Variants in PTER observed in about 807,000 individuals in gnomAD.
The protein encoded by PTER is phosphotriesterase related, also known as N-acetyltaurine hydrolase.
Under a neutral mutation model 29.6 loss-of-function variants are expected in PTER, and 38 were observed. That is an observed-to-expected ratio of 1.28 (90% CI 0.99 to 1.68). The LOEUF is 1.68. Ranked by LOEUF, PTER falls within the 40% of genes most tolerant of loss-of-function variation. The pLI, the probability that PTER is intolerant of heterozygous loss-of-function variation, is 0.00. For synonymous variants in PTER, 172 were observed against 154.5 expected (o/e 1.11, Z -0.84); for missense variants, 482 against 427.8 (o/e 1.13, Z -1.12).
chr10:16,453,939 A>G (rs1834301271), intron 1 of PTER, among the ~76,000 whole-genome samples: 1 of 152,232 alleles, frequency 6.6e-6, no homozygotes, highest in Non-Finnish European at 1.5e-5. Flanking sequence ...TTGTTTTATT[A>G]ATGAGAAAAC....
chr10:16,511,210 A>T lies in PTER; in HGVS notation c.1004A>T (p.Asp335Val). The change falls in exon 5 of 5, where the codon GAT becomes GTT. Residue 335 changes from aspartate to valine, a missense_variant. By Grantham distance (152) the Asp-to-Val change is radical. Coordinates refer to ENST00000535784, the MANE Select transcript of PTER (RefSeq NM_001261836.2). ...AGAGGCATAACTGAGAATGTGCTTG[A>T]TAAGATTCTAATAGAGAACCCTAAG... The part of the protein sequence containing the change: ...LLRGITENVL[D>V]KILIENPKQW... The T allele has an allele frequency of 6.2e-7, 1 of 1,614,168 alleles. No homozygotes were observed. The highest frequency in any genetic ancestry group is 8.5e-7 in the Non-Finnish European group (1 of 1,179,988).
intron 1 of PTER, among the ~76,000 whole-genome samples, chr10:16,480,505 C>A (rs143503916): frequency 1.3e-5 from 2 of 152,000 alleles, no homozygotes; most frequent in Non-Finnish European, 2.9e-5. Context: ...CTAATTTGAC[C>A]ATTGCATTTA....
chr10:16,451,077 C>T (rs1408124307), intron 1 of PTER, among the ~76,000 whole-genome samples: 2 of 152,158 alleles, frequency 1.3e-5, no homozygotes, highest in East Asian at 3.9e-4. Context: ...CCAAGAGCCC[C>T]TGGTAAACCG....
At chr10:16,510,068 C>T (rs1210342701) in intron 4 of PTER, among the ~76,000 whole-genome samples, 1 of 152,052 alleles carries the variant, frequency 6.6e-6, no homozygotes, top group Non-Finnish European at 1.5e-5. Flanking sequence ...ACTGTCCGTC[C>T]GTCTAGATCC....
chr10:16,500,513 A>T (rs889831478), intron 3 of PTER, among the ~76,000 whole-genome samples: 3 of 152,180 alleles, frequency 2.0e-5, no homozygotes, highest in Non-Finnish European at 4.4e-5. Flanking sequence ...TGGCTTCCCA[A>T]AGTGCTGGGA....
intron 4 of PTER, among the ~76,000 whole-genome samples, chr10:16,507,697 G>A (rs925736720): frequency 6.6e-6 from 1 of 152,184 alleles, no homozygotes; most frequent in African/African-American, 2.4e-5. Flanking sequence ...AATCAGTGTT[G>A]CATTAGTTAA....
intron 2 of PTER, among the ~76,000 whole-genome samples, chr10:16,485,454 GTATC>G (rs1379403993): frequency 6.6e-6 from 1 of 152,154 alleles, no homozygotes; most frequent in African/African-American, 2.4e-5. Context: ...AAACACACAT[GTATC>G]TATTTATACA....
At chr10:16,501,878 A>T (rs1450170062) in intron 3 of PTER, among the ~76,000 whole-genome samples, 28 of 152,206 alleles carry the variant, frequency 1.8e-4, no homozygotes, top group Non-Finnish European at 1.5e-5. Context: ...AGCTGCTGGG[A>T]TCATGGAGGG....
intron 4 of PTER, among the ~76,000 whole-genome samples, chr10:16,510,453 A>C (rs1437247345): frequency 2.0e-5 from 3 of 152,228 alleles, no homozygotes; most frequent in Non-Finnish European, 4.4e-5. Context: ...ATAGACTTCA[A>C]AGGGGCAAAT....
intron 4 of PTER, among the ~76,000 whole-genome samples, chr10:16,509,150 T>G (rs1836713082): frequency 6.6e-6 from 1 of 152,210 alleles, no homozygotes; most frequent in Admixed American, 6.5e-5. Context: ...GGCTCCCCCT[T>G]TTCTGGCAGC....
chr10:16,447,436 A>G (rs1834056655), intron 1 of PTER, among the ~76,000 whole-genome samples: 1 of 152,118 alleles, frequency 6.6e-6, no homozygotes, highest in Non-Finnish European at 1.5e-5. Context: ...TTCGTAATGC[A>G]TTATGTAGTG....
At chr10:16,444,866 C>T (rs578047058) in intron 1 of PTER, among the ~76,000 whole-genome samples, 3 of 151,976 alleles carry the variant, frequency 2.0e-5, no homozygotes, top group Admixed American at 6.5e-5. Context: ...AAGAATCTTA[C>T]GTAGTAAATT....
chr10:16,480,813 A>C (rs902599528), intron 1 of PTER, among the ~76,000 whole-genome samples: 1 of 152,250 alleles, frequency 6.6e-6, no homozygotes, highest in African/African-American at 2.4e-5. Flanking sequence ...ACCGTCCTGC[A>C]CACCAAATCT....
At chr10:16,504,931 C>G in intron 3 of PTER, 89 bp from the exon 4 acceptor site, 2 of 1,448,296 alleles carry the variant, frequency 1.4e-6, no homozygotes, top group South Asian at 2.7e-5. Context: ...TGTTCTTGTT[C>G]TTGTACATTG....
chr10:16,495,594 C>T (rs1434779640), intron 3 of PTER, among the ~76,000 whole-genome samples: 1 of 152,134 alleles, frequency 6.6e-6, no homozygotes, highest in Non-Finnish European at 1.5e-5. Context: ...ATTTTTAAAA[C>T]ATACTTGATC....
At chr10:16,442,837 A>G (rs2133357558) in intron 1 of PTER, among the ~76,000 whole-genome samples, 1 of 152,178 alleles carries the variant, frequency 6.6e-6, no homozygotes, top group Middle Eastern at 3.4e-3. Flanking sequence ...AAAATTAGCC[A>G]GGCATACGTC....
chr10:16,448,731 C>T (rs188335149), intron 1 of PTER, among the ~76,000 whole-genome samples: 49 of 152,268 alleles, frequency 3.2e-4, no homozygotes, highest in African/African-American at 1.1e-3. Flanking sequence ...AAGGAAAAAG[C>T]GATCGGGGTC....
intron 4 of PTER, among the ~76,000 whole-genome samples, chr10:16,508,074 T>TC (rs564394618): frequency 6.8e-6 from 1 of 147,298 alleles, no homozygotes; most frequent in African/African-American, 2.5e-5. Flanking sequence ...CTTTTTCTTT[T>TC]TTTTTTTTTT....
chr10:16,474,370 C>G (rs911138592), intron 1 of PTER, among the ~76,000 whole-genome samples: 8 of 152,118 alleles, frequency 5.3e-5, no homozygotes, highest in Non-Finnish European at 1.0e-4. Flanking sequence ...ATCTTCCCTC[C>G]CCACCAAATC....
Sources: allele counts gnomAD v4.1 joint callset (sites outside exome capture counted in the v4.1 genomes callset), GRCh38; gene constraint gnomAD v4.1.1; transcripts MANE v1.5; gene names NCBI Gene and HGNC (gene_info 2026-07-23, HGNC 2026-07-21).